Variants in ZFAND3 observed in about 807,000 individuals in gnomAD.
The protein encoded by ZFAND3 is zinc finger AN1-type containing 3, also known as AN1-type zinc finger protein 3.
ZFAND3 carries 10 observed loss-of-function variants against 29.6 expected under a neutral mutation model. The ratio of observed to expected loss-of-function variants is 0.34; its 90% CI spans 0.21 to 0.57. The LOEUF (loss-of-function observed/expected upper bound fraction) is 0.57, where lower values mean the gene tolerates loss of function less well. Ranked by LOEUF, ZFAND3 falls within the 20% of genes least tolerant of loss-of-function variation. The pLI is 0.86. For synonymous variants in ZFAND3, 128 were observed against 112.6 expected (o/e 1.14, Z -0.87); for missense variants, 230 against 304.5 (o/e 0.76, Z 1.82).
At chr6:38,020,100 C>T (rs190973655) in intron 2 of ZFAND3, among the ~76,000 whole-genome samples, 1 of 152,296 alleles carries the variant, frequency 6.6e-6, no homozygotes, top group Admixed American at 6.5e-5. Context: ...ACTGTAGATC[C>T]AGGCACATGG....
intron 4 of ZFAND3, among the ~76,000 whole-genome samples, chr6:38,099,555 G>T (rs1464306650): frequency 6.6e-6 from 1 of 152,096 alleles, no homozygotes; most frequent in African/African-American, 2.4e-5. Context: ...TAGCTCAATA[G>T]GACAGGGGAA....
intron 1 of ZFAND3, among the ~76,000 whole-genome samples, chr6:37,831,964 A>T (rs13218158): frequency 1.3e-5 from 2 of 152,106 alleles, no homozygotes; most frequent in African/African-American, 4.8e-5. Flanking sequence ...TGTTTCAAAA[A>T]AGTTAATGTG....
chr6:37,921,361 G>A (rs903611912), intron 1 of ZFAND3, among the ~76,000 whole-genome samples: 1 of 151,600 alleles, frequency 6.6e-6, no homozygotes, highest in Non-Finnish European at 1.5e-5. Flanking sequence ...GTATACTTAC[G>A]TGCTGGTACT....
intron 2 of ZFAND3, among the ~76,000 whole-genome samples, chr6:37,948,410 A>G (rs966541902): frequency 6.6e-6 from 1 of 152,140 alleles, no homozygotes; most frequent in African/African-American, 2.4e-5. Flanking sequence ...TAGCCATGCT[A>G]GTTTTCTTTT....
chr6:38,084,728 C>T (rs1222367628), intron 4 of ZFAND3, among the ~76,000 whole-genome samples: 1 of 152,094 alleles, frequency 6.6e-6, no homozygotes, highest in African/African-American at 2.4e-5. Context: ...TGTAGGCCTT[C>T]GTTGAGGTGA....
At chr6:37,879,785 G>C (rs1056093913) in intron 1 of ZFAND3, among the ~76,000 whole-genome samples, 5 of 152,128 alleles carry the variant, frequency 3.3e-5, no homozygotes, top group African/African-American at 1.2e-4. Context: ...AATAACACTT[G>C]AAACCAGATA....
intron 3 of ZFAND3, among the ~76,000 whole-genome samples, chr6:38,064,299 T>C (rs1764300194): frequency 1.3e-5 from 2 of 152,220 alleles, no homozygotes. Flanking sequence ...CTACCATTTA[T>C]TGAGCACTTT....
chr6:37,820,565 C>T (rs137997118), intron 1 of ZFAND3, among the ~76,000 whole-genome samples: 1 of 152,222 alleles, frequency 6.6e-6, no homozygotes, highest in Non-Finnish European at 1.5e-5. Context: ...AAACCGAGTC[C>T]AGAACCAGGC....
At chr6:38,027,079 G>T (rs1156415248) in intron 2 of ZFAND3, among the ~76,000 whole-genome samples, 1 of 152,172 alleles carries the variant, frequency 6.6e-6, no homozygotes, top group Non-Finnish European at 1.5e-5. Flanking sequence ...AGCCTACAGG[G>T]CTCTAAGGAC....
At chr6:37,933,964 C>T (rs1029927307) in intron 2 of ZFAND3, among the ~76,000 whole-genome samples, 3 of 148,744 alleles carry the variant, frequency 2.0e-5, no homozygotes, top group Non-Finnish European at 4.5e-5. Flanking sequence ...CTCTGCTTAC[C>T]GCAACCTCCG....
chr6:37,981,841 A>G (rs770234903), intron 2 of ZFAND3, among the ~76,000 whole-genome samples: 1 of 152,162 alleles, frequency 6.6e-6, no homozygotes, highest in Non-Finnish European at 1.5e-5. Context: ...CATGTGCCCA[A>G]CGTGGTCAGG....
chr6:38,153,116 G>A lies in ZFAND3; in HGVS notation c.*727G>A, dbSNP rs1414247714. 1.5e-5 allele frequency: 15 copies of A among 985,518 alleles called. No homozygotes were observed. The South Asian group carries it at 4.7e-4, about 31-fold the overall frequency. The allele number at this position is 985,518 out of a possible 1,614,324, so 61.0% of individuals were successfully genotyped here. A position where few individuals can be genotyped will look rare whatever the true frequency, so the allele number is the denominator to read the frequency against. ...TTTTCTACACAGGATCCAAGGTCAC[G>A]AGAAGCAGCCAGAGTGCCCCGCCTC... On this transcript the variant is annotated 3_prime_UTR_variant, in exon 6 of 6. Transcript: ENST00000287218.
rs150632529 is a variant in ZFAND3 at position 38,104,659 on chromosome 6, C to A, written c.362-11913C>A. On this transcript the variant is annotated intron_variant, in intron 4 of 5. Transcript: ENST00000287218. Reference sequence around the variant, plus strand: ...GAGTTAGCAGGAGTGGAAAGAAAATCATGTGAGAAGTCTTATAAATCATAT... The same window carrying A: ...GAGTTAGCAGGAGTGGAAAGAAAATAATGTGAGAAGTCTTATAAATCATAT... Among the ~76,000 whole-genome samples the A allele has an allele frequency of 2.6e-4, 39 of 152,236 alleles. No homozygotes were observed. In the East Asian group the frequency reaches 7.5e-3, roughly 29 times the overall value.
chr6:37,859,830 A>G (rs1367689519), intron 1 of ZFAND3, among the ~76,000 whole-genome samples: 1 of 146,936 alleles, frequency 6.8e-6, no homozygotes, highest in Non-Finnish European at 1.5e-5. Context: ...TTCCTGAGAT[A>G]GAGTCTAGCT....
intron 1 of ZFAND3, among the ~76,000 whole-genome samples, chr6:37,896,572 C>T (rs62398424): frequency 0.021 from 451 of 21,014 alleles, 1 homozygote; most frequent in African/African-American, 0.052. Flanking sequence ...CTTTCTTTCT[C>T]TCTTTCTCTC....
In ZFAND3 at chr6:37,847,323, C is replaced by T. The variant is rs1279140800; in HGVS notation, c.71+27307C>T. ...GGGTGTGGTTGCTCCCGCCTGTAAT[C>T]CCAGCACTATGGGAGGCTGAGGGGG... On this transcript the variant is annotated intron_variant, in intron 1 of 5. Coordinates refer to ENST00000287218, the MANE Select transcript of ZFAND3 (RefSeq NM_021943.3). Among the ~76,000 whole-genome samples, 3 of 152,226 alleles carry T rather than the reference C, an allele frequency of 2.0e-5. No individual in the cohort carries two copies. The East Asian group carries it at 5.8e-4, about 29-fold the overall frequency.
chr6:37,897,793 C>A lies in ZFAND3; in HGVS notation c.72-32166C>A, dbSNP rs192331619. ...CATAGATGTCTGCATTTTTGAAGTG[C>A]CTGTTCAAGTCTTTTGTCCAATTTA... is the stretch of plus-strand genomic sequence containing the variant. On this transcript the variant is annotated intron_variant, in intron 1 of 5. Transcript: ENST00000287218. 1.2e-3 allele frequency among the ~76,000 whole-genome samples: 187 copies of A among 152,236 alleles called. 1 individual carries two copies. The highest frequency in any genetic ancestry group is 2.9e-3 in the South Asian group (14 of 4,826).
chr6:38,045,163 C>CT (rs1257538084), intron 2 of ZFAND3, among the ~76,000 whole-genome samples: 57 of 151,546 alleles, frequency 3.8e-4, no homozygotes, highest in African/African-American at 1.4e-3. Context: ...TCTTGGCTCA[C>CT]TGCAACCTCC....
At chr6:37,960,256 G>A (rs1762172138) in intron 2 of ZFAND3, among the ~76,000 whole-genome samples, 1 of 152,172 alleles carries the variant, frequency 6.6e-6, no homozygotes, top group African/African-American at 2.4e-5. Flanking sequence ...ACTCACTCAT[G>A]CCTGCAAAGC....
Sources: gnomAD v4.1 joint callset for allele counts (sites outside exome capture counted in the v4.1 genomes callset) on GRCh38, gnomAD v4.1.1 for gene constraint, MANE v1.5 for transcripts, NCBI Gene and HGNC (gene_info 2026-07-23, HGNC 2026-07-21) for gene names.